TPP2: variants seen among roughly 807,000 people sequenced by gnomAD.
TPP2 encodes tripeptidyl peptidase 2, also known as tripeptidyl-peptidase 2.
A neutral mutation model predicts 155.9 loss-of-function variants in TPP2; 34 were observed. The ratio of observed to expected loss-of-function variants is 0.22; its 90% CI spans 0.17 to 0.29. The LOEUF is 0.29. Ranked by LOEUF, TPP2 falls within the 10% of genes least tolerant of loss-of-function variation. TPP2 has a pLI of 1.00. For missense variants in TPP2, 1,028 were observed against 1,522.3 expected, an observed-to-expected ratio of 0.68 and a Z score of 5.40; for synonymous variants, 510 against 529.4, an observed-to-expected ratio of 0.96 and a Z score of 0.50.
chr13:102,604,976 C>T, intron 2 of TPP2, 55 bp downstream of exon 2: 1 of 1,595,438 alleles, frequency 6.3e-7, no homozygotes, highest in Non-Finnish European at 8.5e-7. Context: ...TGCCTCAAAG[C>T]ATCTAATGTT....
intron 25 of TPP2, among the ~76,000 whole-genome samples, chr13:102,658,391 T>C (rs1883991903): frequency 6.6e-6 from 1 of 152,220 alleles, no homozygotes; most frequent in Non-Finnish European, 1.5e-5. Flanking sequence ...GAAGTCAAAG[T>C]CTTCAGGTCT....
intron 2 of TPP2, among the ~76,000 whole-genome samples, chr13:102,610,173 C>T (rs1274089412): frequency 1.3e-5 from 2 of 152,166 alleles, no homozygotes; most frequent in Non-Finnish European, 2.9e-5. Context: ...CAGAAAGCAG[C>T]ACAATGAAGT....
intron 17 of TPP2, 23 bp downstream of exon 17, chr13:102,643,399 A>G (rs777624470): frequency 1.3e-6 from 2 of 1,565,588 alleles, no homozygotes; most frequent in Non-Finnish European, 1.7e-6. Flanking sequence ...ATAGTTTATA[A>G]TCCTAACACA....
chr13:102,659,567 CAG>C (rs1350508568), intron 25 of TPP2, among the ~76,000 whole-genome samples: 1 of 152,174 alleles, frequency 6.6e-6, no homozygotes, highest in African/African-American at 2.4e-5. Context: ...ATAATATATT[CAG>C]AGTGCTCAAA....
intron 2 of TPP2, among the ~76,000 whole-genome samples, chr13:102,608,681 T>C (rs1880033838): frequency 6.6e-6 from 1 of 152,122 alleles, no homozygotes; most frequent in South Asian, 2.1e-4. Context: ...AGATAAAATT[T>C]TAATTTTTTT....
intron 16 of TPP2, among the ~76,000 whole-genome samples, chr13:102,640,627 C>G (rs1189680061): frequency 1.4e-5 from 2 of 146,540 alleles, no homozygotes; most frequent in African/African-American, 5.1e-5. Context: ...AGAATAATGC[C>G]TTACCTGGTA....
chr13:102,669,392 G>A (rs1884820906), intron 27 of TPP2, among the ~76,000 whole-genome samples: 1 of 152,164 alleles, frequency 6.6e-6, no homozygotes, highest in Non-Finnish European at 1.5e-5. Flanking sequence ...GCTGGCATAA[G>A]CTGGACCAAT....
At position 102,616,520 on chromosome 13, in the gene TPP2, A is replaced by G. The variant is rs1880747227; in HGVS notation, c.495+20A>G. 4 of 1,584,454 alleles carry G rather than the reference A, an allele frequency of 2.5e-6. No individual in the cohort carries two copies. Among genetic ancestry groups the G allele is most frequent in the Non-Finnish European group, 2.6e-6 (3 of 1,157,596 alleles). On this transcript the variant is annotated intron_variant, in intron 4 of 29. Transcript: ENST00000376052. Reference sequence around the variant, plus strand: ...TCTCAAGTTGGTGCTAGTCGATTTCATTTAAACATTACCCTAGAACCATAT... The same window carrying G: ...TCTCAAGTTGGTGCTAGTCGATTTCGTTTAAACATTACCCTAGAACCATAT...
chr13:102,651,579 GT>G (rs67186749), intron 24 of TPP2, among the ~76,000 whole-genome samples, 182 bp downstream of exon 24: 72,589 of 144,686 alleles, frequency 0.5, 18,022 homozygotes, highest in African/African-American at 0.6. Flanking sequence ...TTTTCTAAAG[GT>G]TTTTTTTTTT....
At chr13:102,657,424 A>G (rs561497227) in intron 25 of TPP2, among the ~76,000 whole-genome samples, 6 of 151,840 alleles carry the variant, frequency 4.0e-5, no homozygotes, top group African/African-American at 1.2e-4. Flanking sequence ...TTTTTATTTT[A>G]ATCACTCTAA....
At position 102,678,277 on chromosome 13, in the gene TPP2, G is replaced by C. The variant is rs779839273; in HGVS notation, c.3750G>C (p.Trp1250Cys). 8 of 1,613,416 alleles carry C rather than the reference G, an allele frequency of 5.0e-6. No homozygotes were observed. The highest frequency in any genetic ancestry group is 6.8e-6 in the Non-Finnish European group (8 of 1,179,688). Reference sequence around the variant, plus strand: ...ATTGTGCATCTTTTACTGAAAACTGGCTCCCCATCATGTATCCTCCCGATT... The same window carrying C: ...ATTGTGCATCTTTTACTGAAAACTGCCTCCCCATCATGTATCCTCCCGATT... ...WTHCASFTEN[W>C]LPIMYPPDYC... The change falls in exon 30 of 30, where the codon TGG (tryptophan) becomes TGC (cysteine). Residue 1250 changes from tryptophan to cysteine, a missense_variant. By Grantham distance (215) the Trp-to-Cys change is radical. This residue lies in a region of TPP2 where 41 missense variants were observed against 78.3 expected (regional missense o/e 0.52). Coordinates refer to ENST00000376052, the MANE Select transcript of TPP2 (RefSeq NM_001330588.2).
rs1353804628 is a variant in TPP2 at position 102,637,178 on chromosome 13, G to A, written c.1775G>A (p.Cys592Tyr). The stretch of plus-strand genomic sequence containing the variant: ...AGCCATTTGGAACTCATGAATCAAT[G>A]TAGACACATAAACATACGTGTGGAT... ...CPSHLELMNQ[C>Y]RHINIRVDPR... is the part of the protein sequence containing the mutation. Residue 592 changes from cysteine (C) to tyrosine (Y), a missense_variant, in exon 14 of 30, where the codon TGT becomes TAT. By Grantham distance (194) the Cys-to-Tyr change is radical (BLOSUM62 -2). Coordinates refer to ENST00000376052, the MANE Select transcript of TPP2 (RefSeq NM_001330588.2). 2 of 1,612,568 alleles carry A rather than the reference G, an allele frequency of 1.2e-6. No homozygotes were observed. The highest frequency in any genetic ancestry group is 8.5e-7 in the Non-Finnish European group (1 of 1,179,814).
intron 2 of TPP2, among the ~76,000 whole-genome samples, chr13:102,607,306 C>T (rs1219589052): frequency 6.6e-6 from 1 of 152,200 alleles, no homozygotes; most frequent in African/African-American, 2.4e-5. Context: ...CCTCCCTAAT[C>T]CAAAATCCGA....
At chr13:102,607,588 T>C in intron 2 of TPP2, 1 of 409,152 alleles carries the variant, frequency 2.4e-6, no homozygotes, top group Non-Finnish European at 5.0e-6. Context: ...GAGCATTTAT[T>C]TATTTATATT....
intron 2 of TPP2, among the ~76,000 whole-genome samples, chr13:102,611,849 G>A (rs1354847164): frequency 6.6e-6 from 1 of 152,112 alleles, no homozygotes; most frequent in East Asian, 1.9e-4. Context: ...TCTGTAAAAA[G>A]ACCCAGTTGT....
chr13:102,654,323 T>G (rs1883703331), intron 24 of TPP2, among the ~76,000 whole-genome samples: 1 of 152,188 alleles, frequency 6.6e-6, no homozygotes, highest in Non-Finnish European at 1.5e-5. Context: ...TTGATATATT[T>G]AACATGTAAA....
chr13:102,629,544 C>A lies in TPP2; in HGVS notation c.1079C>A (p.Ala360Asp). 1 of 1,541,486 alleles carries A rather than the reference C, an allele frequency of 6.5e-7. No homozygotes were observed. The highest frequency in any genetic ancestry group is 1.3e-5 in the South Asian group (1 of 77,752). ...WKHNIIYVSS[A>D]GNNGPCLSTV... The stretch of plus-strand genomic sequence containing the variant: ...CATAATATAATTTATGTTTCAAGTG[C>A]TGGAAATAATGGTCCATGCCTGTCT... Residue 360 changes from alanine to aspartate, a missense_variant, in exon 9 of 30, where the codon GCT (alanine) becomes GAT (aspartate). Around this residue, in one of 7 missense-constraint regions of TPP2, gnomAD observed 63 missense variants for 165.7 expected, o/e 0.38. Coordinates refer to ENST00000376052, the MANE Select transcript of TPP2 (RefSeq NM_001330588.2).
chr13:102,617,976 G>A (rs549330087), intron 4 of TPP2, among the ~76,000 whole-genome samples: 50 of 152,220 alleles, frequency 3.3e-4, no homozygotes, highest in African/African-American at 1.2e-3. Context: ...AGAGATATTC[G>A]TCTCAATTTC....
At chr13:102,666,349 C>T (rs1332865730) in intron 27 of TPP2, among the ~76,000 whole-genome samples, 8 of 152,176 alleles carry the variant, frequency 5.3e-5, no homozygotes, top group Non-Finnish European at 1.2e-4. Flanking sequence ...AGTATTATCT[C>T]ACAGAAAAAG....
Sources: gnomAD v4.1 joint callset for allele counts (sites outside exome capture counted in the v4.1 genomes callset) on GRCh38, gnomAD v4.1.1 for gene constraint, gnomAD v4.1.1 regional missense constraint, MANE v1.5 for transcripts, NCBI Gene and HGNC (gene_info 2026-07-23, HGNC 2026-07-21) for gene names.